Variants in PIEZO2 observed in about 807,000 individuals in gnomAD.
PIEZO2 encodes piezo-type mechanosensitive ion channel component 2.
PIEZO2 carries 172 observed loss-of-function variants against 337.3 expected under a neutral mutation model. The ratio of observed to expected loss-of-function variants is 0.51; its 90% CI spans 0.45 to 0.58. The LOEUF (loss-of-function observed/expected upper bound fraction) is 0.58, where lower values mean the gene tolerates loss of function less well. PIEZO2 is among the 20% of genes least tolerant of loss of function. The pLI is 0.00. For synonymous variants in PIEZO2, 1,251 were observed against 1,228.5 expected (o/e 1.02, Z -0.38); for missense variants, 3,028 against 3,391.3 (o/e 0.89, Z 2.66).
rs1467501158 is a variant in PIEZO2, at chr18:10,736,636, C to T, written c.4783G>A (p.Asp1595Asn). The change falls in exon 34 of 56, where the codon GAT becomes AAT. Residue 1595 changes from aspartate (D) to asparagine (N), a missense_variant. Coordinates refer to ENST00000674853, the MANE Select transcript of PIEZO2 (RefSeq NM_001378183.1). ...GCTGACCTTCGTGGAGGTTCTTCATCTTCCTTCTTTAATTCTTCCTCTTCC... is the reference window on the plus strand; with the variant it reads ...GCTGACCTTCGTGGAGGTTCTTCATTTTCCTTCTTTAATTCTTCCTCTTCC... Reference protein sequence around the residue: ...EEEEEELKKEDEEPPRRSAFQ... With the variant: ...EEEEEELKKENEEPPRRSAFQ... 2.6e-6 allele frequency: 4 copies of T among 1,537,014 alleles called. No individual in the cohort carries two copies. Among genetic ancestry groups the T allele is most frequent in the African/African-American group, 2.7e-5 (2 of 73,028 alleles).
intron 3 of PIEZO2, among the ~76,000 whole-genome samples, chr18:10,928,020 C>T (rs1356397185): frequency 2.0e-5 from 3 of 152,116 alleles, no homozygotes; most frequent in Non-Finnish European, 4.4e-5. Context: ...CATACCCTTC[C>T]TTAATAACAA....
At chr18:10,907,443 CAA>C (rs147285429) in intron 4 of PIEZO2, among the ~76,000 whole-genome samples, 67 of 140,284 alleles carry the variant, frequency 4.8e-4, no homozygotes, top group Non-Finnish European at 5.4e-4. Context: ...GACTCTGTCT[CAA>C]AAAAAAAAAA....
At chr18:10,874,961 T>C (rs2042232759) in intron 4 of PIEZO2, among the ~76,000 whole-genome samples, 1 of 152,176 alleles carries the variant, frequency 6.6e-6, no homozygotes, top group African/African-American at 2.4e-5. Flanking sequence ...AGCTAGAAGA[T>C]TTAAAATATT....
At chr18:10,690,176 T>G (rs1230425810) in intron 48 of PIEZO2, among the ~76,000 whole-genome samples, 1 of 152,046 alleles carries the variant, frequency 6.6e-6, no homozygotes, top group Admixed American at 6.6e-5. Context: ...GTAGGGGTGG[T>G]GCACCTGGTA....
chr18:10,711,352 T>C (rs1663256543), intron 39 of PIEZO2, among the ~76,000 whole-genome samples: 1 of 152,238 alleles, frequency 6.6e-6, no homozygotes, highest in African/African-American at 2.4e-5. Flanking sequence ...AGGCCACTGA[T>C]TCAGAGTTTG....
intron 4 of PIEZO2, among the ~76,000 whole-genome samples, chr18:10,896,365 C>G (rs1400096712): frequency 6.6e-6 from 1 of 152,164 alleles, no homozygotes; most frequent in Non-Finnish European, 1.5e-5. Context: ...GTCTTCTTAT[C>G]CTCCCTGCAC....
At chr18:11,055,375 G>T (rs1399462736) in intron 2 of PIEZO2, among the ~76,000 whole-genome samples, 1 of 152,096 alleles carries the variant, frequency 6.6e-6, no homozygotes, top group Non-Finnish European at 1.5e-5. Context: ...ATTTTGGAAA[G>T]GTATAAATAC....
Position 10,980,138 on chromosome 18 carries a change from T to A in PIEZO2, c.161-478A>T, listed in dbSNP as rs1321961136. On this transcript the variant is annotated intron_variant, in intron 2 of 55. Coordinates refer to ENST00000674853, the MANE Select transcript of PIEZO2 (RefSeq NM_001378183.1). This position sits in a 1 kb window ranked among gnomAD's most constrained non-coding sequence, Gnocchi z 4.8. ...CCCCATGTTACTCATAACATAGATATGAATTATTTTTTTTAAATGTGTTAA... is the reference window on the plus strand; with the variant it reads ...CCCCATGTTACTCATAACATAGATAAGAATTATTTTTTTTAAATGTGTTAA... 6.6e-6 allele frequency among the ~76,000 whole-genome samples: 1 copy of A among 151,776 alleles called. No individual in the cohort carries two copies. Among genetic ancestry groups the A allele is most frequent in the Non-Finnish European group, 1.5e-5 (1 of 67,976 alleles).
At position 11,028,264 on chromosome 18, in the gene PIEZO2, ATTT is replaced by A. The variant is rs113591783; in HGVS notation, c.160+37860_160+37862del. Among the ~76,000 whole-genome samples, 2 of 149,156 alleles carry A rather than the reference ATTT, an allele frequency of 1.3e-5. No individual in the cohort carries two copies. The highest frequency in any genetic ancestry group is 4.9e-5 in the African/African-American group (2 of 40,462). On this transcript the variant is annotated intron_variant, in intron 2 of 55. Transcript: ENST00000674853. The surrounding 1 kb of genome is among the most constrained non-coding windows in gnomAD (Gnocchi z 4.8). ...TTCTTCTTCTTCTTTATTTTTTATT[ATTT>A]TTTTTTATTTTTTGAGACAGAGTCA...
At chr18:11,139,632 T>C (rs2040584228) in intron 1 of PIEZO2, among the ~76,000 whole-genome samples, 1 of 152,148 alleles carries the variant, frequency 6.6e-6, no homozygotes, top group African/African-American at 2.4e-5. Context: ...AAATAGCCAT[T>C]TTATCTTTCC....
chr18:10,748,725 G>A lies in PIEZO2; in HGVS notation c.4265-95C>T. 1.7e-6 allele frequency: 2 copies of A among 1,182,616 alleles called. No individual in the cohort carries two copies. The highest frequency in any genetic ancestry group is 3.4e-5 in the South Asian group (2 of 58,826). 73.3% of individuals were successfully genotyped at this position (1,182,616 alleles called of 1,614,324 possible). A position where few individuals can be genotyped will look rare whatever the true frequency, so the allele number is the denominator to read the frequency against. ...GGTATGGTCAGGCTTGGGAAATATA[G>A]GCATAAAAGCAGCATTCTGATGCTC... On this transcript the variant is annotated intron_variant, in intron 29 of 55. Transcript: ENST00000674853. This position sits in a 1 kb window ranked among gnomAD's most constrained non-coding sequence, Gnocchi z 5.1.
chr18:10,944,544 A>ATC (rs1555680350), intron 3 of PIEZO2, among the ~76,000 whole-genome samples: 3 of 88,706 alleles, frequency 3.4e-5, no homozygotes, highest in Non-Finnish European at 6.5e-5. Context: ...ATATATATAT[A>ATC]TCTTAGTAAC....
chr18:10,997,120 G>T (rs932730262), intron 2 of PIEZO2, among the ~76,000 whole-genome samples: 1 of 151,922 alleles, frequency 6.6e-6, no homozygotes, highest in African/African-American at 2.4e-5. Context: ...ATAATTGAAC[G>T]GTGCATGTTC....
intron 3 of PIEZO2, among the ~76,000 whole-genome samples, chr18:10,933,626 C>A (rs2032215764): frequency 6.6e-6 from 1 of 152,180 alleles, no homozygotes; most frequent in Non-Finnish European, 1.5e-5. Context: ...TTTAAGAACC[C>A]TGCACACTAT....
At chr18:11,076,284 A>G (rs562209415) in intron 1 of PIEZO2, among the ~76,000 whole-genome samples, 1 of 152,350 alleles carries the variant, frequency 6.6e-6, no homozygotes, top group East Asian at 1.9e-4. Context: ...CATTAAATAA[A>G]TTATTTAAAA....
chr18:10,693,333 C>G (rs887234838), intron 47 of PIEZO2, among the ~76,000 whole-genome samples: 1 of 146,698 alleles, frequency 6.8e-6, no homozygotes, highest in Non-Finnish European at 1.5e-5. Context: ...CATGGTTTTG[C>G]TTCTTGCTTT....
intron 5 of PIEZO2, among the ~76,000 whole-genome samples, chr18:10,866,861 C>T (rs1352867881): frequency 6.6e-6 from 1 of 152,202 alleles, no homozygotes; most frequent in Non-Finnish European, 1.5e-5. Context: ...TCTAAAACTA[C>T]TAGGAGTAAA....
Position 11,135,360 on chromosome 18 carries a change from C to T in PIEZO2, c.64+13165G>A, listed in dbSNP as rs905698815. On this transcript the variant is annotated intron_variant, in intron 1 of 55. Transcript: ENST00000674853. Reference sequence around the variant, plus strand: ...CTGTACGATTCTGGTGGGGAATGTACAAGATCTCACTGCAGGGGTGCAGAA... The same window carrying T: ...CTGTACGATTCTGGTGGGGAATGTATAAGATCTCACTGCAGGGGTGCAGAA... 1.4e-4 allele frequency among the ~76,000 whole-genome samples: 21 copies of T among 152,250 alleles called. 1 individual carries two copies. The highest frequency in any genetic ancestry group is 5.1e-4 in the African/African-American group (21 of 41,540).
chr18:10,725,131 A>C, intron 36 of PIEZO2: 2 of 1,459,940 alleles, frequency 1.4e-6, no homozygotes, highest in Non-Finnish European at 1.9e-6. Flanking sequence ...CCAGGAGCCC[A>C]TGCCTATGGC....
Sources: allele counts gnomAD v4.1 joint callset (sites outside exome capture counted in the v4.1 genomes callset), GRCh38; gene constraint gnomAD v4.1.1; non-coding constraint Gnocchi (gnomAD v3.1); transcripts MANE v1.5; gene names NCBI Gene and HGNC (gene_info 2026-07-23, HGNC 2026-07-21).